DLG2: variants seen among roughly 807,000 people sequenced by gnomAD.
DLG2 encodes disks large homolog 2.
A neutral mutation model predicts 132.5 loss-of-function variants in DLG2; 45 were observed. That is an observed-to-expected ratio of 0.34 (90% CI 0.27 to 0.44). The LOEUF (loss-of-function observed/expected upper bound fraction) is 0.44. DLG2 is among the 20% of genes least tolerant of loss of function. The pLI is 1.00. For missense variants in DLG2, 1,045 were observed against 1,196.9 expected, an observed-to-expected ratio of 0.87 and a Z score of 1.87; for synonymous variants, 424 against 419.6, an observed-to-expected ratio of 1.01 and a Z score of -0.13.
intron 8 of DLG2, among the ~76,000 whole-genome samples, chr11:84,192,523 G>A (rs190675172): frequency 6.6e-6 from 1 of 152,304 alleles, no homozygotes; most frequent in Admixed American, 6.5e-5. Context: ...GAGGTCAAGA[G>A]ATCGAGATAA....
chr11:85,436,921 C>T (rs775532906), intron 3 of DLG2, among the ~76,000 whole-genome samples: 76 of 152,136 alleles, frequency 5.0e-4, no homozygotes, highest in Non-Finnish European at 2.9e-5. Flanking sequence ...CAATGATAGA[C>T]TGGATAAAGA....
intron 7 of DLG2, among the ~76,000 whole-genome samples, chr11:84,407,933 T>G (rs1456567110): frequency 1.3e-5 from 2 of 152,192 alleles, no homozygotes; most frequent in Non-Finnish European, 1.5e-5. Context: ...CACTTGTAGC[T>G]ATCTTGAAGA....
chr11:84,938,824 A>G (rs1015886473), intron 6 of DLG2, among the ~76,000 whole-genome samples: 2 of 152,208 alleles, frequency 1.3e-5, no homozygotes, highest in Admixed American at 6.5e-5. Flanking sequence ...TTCATCTTAT[A>G]TAAGAACATT....
intron 7 of DLG2, among the ~76,000 whole-genome samples, chr11:84,291,092 T>C (rs887602309): frequency 1.3e-5 from 2 of 152,176 alleles, no homozygotes; most frequent in Non-Finnish European, 1.5e-5. Flanking sequence ...AATTTGTTAG[T>C]AACCAATTCA....
chr11:84,100,618 G>C (rs879828122), intron 9 of DLG2, among the ~76,000 whole-genome samples: 4 of 151,752 alleles, frequency 2.6e-5, no homozygotes, highest in Non-Finnish European at 5.9e-5. Flanking sequence ...CTTGTCACTG[G>C]ATATTAAATT....
rs574587174 is a variant in DLG2, at chr11:85,434,534, T to C, written c.41-149169A>G. ...AGAAATACAAACTACCATCAGAGAA[T>C]ACTATAAACACCTCTATGCAAATAA... On this transcript the variant is annotated intron_variant, in intron 3 of 27. Transcript: ENST00000376104. Among the ~76,000 whole-genome samples the C allele has an allele frequency of 7.2e-5, 11 of 152,184 alleles. 1 individual carries two copies. The highest frequency in any genetic ancestry group is 2.4e-4 in the African/African-American group (10 of 41,522).
chr11:85,179,021 G>A (rs1486209223), intron 4 of DLG2, among the ~76,000 whole-genome samples: 1 of 151,822 alleles, frequency 6.6e-6, no homozygotes, highest in Non-Finnish European at 1.5e-5. Flanking sequence ...TTTCTAAGAG[G>A]CAGTGTACAT....
chr11:85,132,764 C>T (rs1418544711), intron 5 of DLG2: 1 of 456,694 alleles, frequency 2.2e-6, no homozygotes, highest in Admixed American at 2.3e-5. Flanking sequence ...GTTTCCTATC[C>T]TACCTTTGTG....
intron 11 of DLG2, among the ~76,000 whole-genome samples, chr11:84,000,438 AG>A (rs2094286123): frequency 6.6e-6 from 1 of 152,044 alleles, no homozygotes; most frequent in African/African-American, 2.4e-5. Flanking sequence ...TGAAAGGGTT[AG>A]AAAAACTATT....
At chr11:83,592,304 A>C (rs922392897) in intron 19 of DLG2, among the ~76,000 whole-genome samples, 3 of 149,544 alleles carry the variant, frequency 2.0e-5, no homozygotes, top group African/African-American at 7.3e-5. Flanking sequence ...GATATAGATC[A>C]ATGGAACAGA....
At chr11:85,074,337 A>G (rs1593683608) in intron 6 of DLG2, among the ~76,000 whole-genome samples, 2 of 151,996 alleles carry the variant, frequency 1.3e-5, no homozygotes, top group South Asian at 4.2e-4. Context: ...AAGCCTTTAT[A>G]CAGCTTCTCA....
chr11:83,559,954 T>C (rs1431247640), intron 19 of DLG2, among the ~76,000 whole-genome samples: 2 of 152,182 alleles, frequency 1.3e-5, no homozygotes, highest in African/African-American at 4.8e-5. Context: ...ATGCTTCTTA[T>C]ATATAAGAAA....
chr11:85,392,633 A>G (rs1482309620), intron 3 of DLG2, among the ~76,000 whole-genome samples: 2 of 152,182 alleles, frequency 1.3e-5, no homozygotes, highest in East Asian at 3.9e-4. Context: ...ATATAGACCA[A>G]TGGAACACAA....
chr11:83,582,553 A>T (rs2096999733), intron 19 of DLG2, among the ~76,000 whole-genome samples: 1 of 152,212 alleles, frequency 6.6e-6, no homozygotes, highest in African/African-American at 2.4e-5. Context: ...CATCAGCAAA[A>T]TCATAAACTG....
intron 6 of DLG2, among the ~76,000 whole-genome samples, chr11:84,738,841 T>A (rs1316201309): frequency 1.3e-5 from 2 of 152,122 alleles, no homozygotes; most frequent in African/African-American, 4.8e-5. Context: ...TATCTCCAAA[T>A]TGGAAGCAAC....
chr11:83,530,477 C>T (rs1039659763), intron 21 of DLG2, among the ~76,000 whole-genome samples: 1 of 151,504 alleles, frequency 6.6e-6, no homozygotes, highest in Admixed American at 6.6e-5. Context: ...ATGATATTCA[C>T]AAGCTACAAT....
At chr11:83,917,666 G>A (rs1026517768) in intron 15 of DLG2, among the ~76,000 whole-genome samples, 1 of 152,106 alleles carries the variant, frequency 6.6e-6, no homozygotes, top group Non-Finnish European at 1.5e-5. Flanking sequence ...ATATCCTTGA[G>A]CCTGAAGAAG....
At chr11:83,686,432 G>C (rs1484470007) in intron 18 of DLG2, among the ~76,000 whole-genome samples, 1 of 151,860 alleles carries the variant, frequency 6.6e-6, no homozygotes, top group Non-Finnish European at 1.5e-5. Context: ...ATATTTTATA[G>C]TTCTTTGTTC....
chr11:83,943,730 C>A (rs1233361958), intron 14 of DLG2, among the ~76,000 whole-genome samples: 1 of 152,214 alleles, frequency 6.6e-6, no homozygotes, highest in Non-Finnish European at 1.5e-5. Flanking sequence ...GTCTTTTTTA[C>A]TGGTGCATCT....
Sources: gnomAD v4.1 joint callset for allele counts (sites outside exome capture counted in the v4.1 genomes callset) on GRCh38, gnomAD v4.1.1 for gene constraint, MANE v1.5 for transcripts, NCBI Gene and HGNC (gene_info 2026-07-23, HGNC 2026-07-21) for gene names.